The following KCNQ1 variants were observed in gnomAD, a reference collection of about 807,000 sequenced individuals.
KCNQ1 encodes the protein potassium voltage-gated channel subfamily KQT member 1.
KCNQ1 carries 49 observed loss-of-function variants against 72.4 expected under a neutral mutation model. That is an observed-to-expected ratio of 0.68 (90% CI 0.54 to 0.86). KCNQ1 has a LOEUF of 0.86. Ranked by LOEUF, KCNQ1 falls within the 40% of genes least tolerant of loss-of-function variation. The probability of loss-of-function intolerance (pLI) is 0.00; values close to 1 mark genes in which losing one functional copy is unlikely to be tolerated. For synonymous variants in KCNQ1, 450 were observed against 412.6 expected, an observed-to-expected ratio of 1.09 and a Z score of -1.10; for missense variants, 790 against 945.1, an observed-to-expected ratio of 0.84 and a Z score of 2.15.
rs185321387 is a variant in KCNQ1, at chr11:2,701,026, C to G, written c.1514+38945C>G. ...TGGAATGCAGGACTCTGGGTATGTT[C>G]TCGAAAGTTGTTACAACCCCAACCC... On this transcript the variant is annotated intron_variant, in intron 11 of 15. Transcript: ENST00000155840. 2.7e-3 allele frequency among the ~76,000 whole-genome samples: 409 copies of G among 152,300 alleles called. 3 individuals carry two copies. The highest frequency in any genetic ancestry group is 9.5e-3 in the African/African-American group (394 of 41,566).
intron 2 of KCNQ1, among the ~76,000 whole-genome samples, chr11:2,546,463 T>C (rs1431003943): frequency 6.6e-6 from 1 of 152,220 alleles, no homozygotes; most frequent in Non-Finnish European, 1.5e-5. Context: ...TGGTTGATGA[T>C]GGCATTGTCC....
At position 2,668,059 on chromosome 11, in the gene KCNQ1, C is replaced by T. The variant is rs1850115494; in HGVS notation, c.1514+5978C>T. Reference sequence around the variant, plus strand: ...GCTTTGCCCACATTTGAACTTTATGCGGTGGGAATGATGCAACTCATACAC... The same window carrying T: ...GCTTTGCCCACATTTGAACTTTATGTGGTGGGAATGATGCAACTCATACAC... On this transcript the variant is annotated intron_variant, in intron 11 of 15. Coordinates refer to ENST00000155840, the MANE Select transcript of KCNQ1 (RefSeq NM_000218.3). The surrounding 1 kb of genome is among the most constrained non-coding windows in gnomAD (Gnocchi z 4.3). 2.5e-5 allele frequency: 10 copies of T among 398,600 alleles called. No individual in the cohort carries two copies. The highest frequency in any genetic ancestry group is 8.8e-5 in the Admixed American group (2 of 22,730). The allele number at this position is 398,600 out of a possible 1,614,324, so 24.7% of individuals were successfully genotyped here.
In KCNQ1 at chr11:2,822,195, C is replaced by T. The variant is rs114743038; in HGVS notation, c.1795-25572C>T. On this transcript the variant is annotated intron_variant, in intron 15 of 15. Transcript: ENST00000155840. ...GAGGAATGAATCAGCCCTAGAGCCT[C>T]CAGCAGGTATCAGCCCTGCTGACAC... Among the ~76,000 whole-genome samples, 567 of 152,320 alleles carry T rather than the reference C, an allele frequency of 3.7e-3. 2 individuals carry two copies. The highest frequency in any genetic ancestry group is 0.013 in the African/African-American group (535 of 41,556).
In KCNQ1 at chr11:2,482,038, G is replaced by C. The variant is rs536732842; in HGVS notation, c.386+36554G>C. Among the ~76,000 whole-genome samples the C allele has an allele frequency of 6.6e-6, 1 of 152,138 alleles. No individual in the cohort carries two copies. Among genetic ancestry groups the C allele is most frequent in the South Asian group, 2.1e-4 (1 of 4,826 alleles). ...CACGGCCATCGGCTGTTTGCTTTAT[G>C]AATTTGTGCCTCAGTTTCTTCATCT... On this transcript the variant is annotated intron_variant, in intron 1 of 15. Coordinates refer to ENST00000155840, the MANE Select transcript of KCNQ1 (RefSeq NM_000218.3). This position sits in a 1 kb window ranked among gnomAD's most constrained non-coding sequence, Gnocchi z 5.7.
rs554817925 is a variant in KCNQ1 at position 2,803,261 on chromosome 11, G to A, written c.1794+25224G>A. On this transcript the variant is annotated intron_variant, in intron 15 of 15. Coordinates refer to ENST00000155840, the MANE Select transcript of KCNQ1 (RefSeq NM_000218.3). The surrounding 1 kb of genome is among the most constrained non-coding windows in gnomAD (Gnocchi z 6.4). ...GTCTGGAGCATCCTCCCAAGGACTC[G>A]CCCCTAGTCAGGAAAAAATAGGGCC... 9.2e-5 allele frequency among the ~76,000 whole-genome samples: 14 copies of A among 152,260 alleles called. No individual in the cohort carries two copies. Among genetic ancestry groups the A allele is most frequent in the African/African-American group, 2.6e-4 (11 of 41,558 alleles).
At chr11:2,686,038 G>C (rs146566065) in intron 11 of KCNQ1, 1 of 399,362 alleles carries the variant, frequency 2.5e-6, no homozygotes, top group Non-Finnish European at 4.4e-6. Flanking sequence ...CCGCCAGCTC[G>C]CACCATCTGA....
chr11:2,845,236 C>T (rs1848301167), intron 15 of KCNQ1, among the ~76,000 whole-genome samples: 3 of 152,190 alleles, frequency 2.0e-5, no homozygotes, highest in South Asian at 4.1e-4. Context: ...CTGCTTTCGC[C>T]GGCTCCCTAC....
Position 2,657,236 on chromosome 11 carries a change from T to C in KCNQ1, c.1394-4725T>C, listed in dbSNP as rs1260706630. 3 of 398,556 alleles carry C rather than the reference T, an allele frequency of 7.5e-6. No individual in the cohort carries two copies. The highest frequency in any genetic ancestry group is 8.8e-6 in the Non-Finnish European group (2 of 226,082). The allele number at this position is 398,556 out of a possible 1,614,324, so 24.7% of individuals were successfully genotyped here. A position where few individuals can be genotyped will look rare whatever the true frequency, so the allele number is the denominator to read the frequency against. ...CTTCCAAGTCGCAGTTAGAATCAGC[T>C]TGCCAAAGTTCTCACACAGAAGCCT... On this transcript the variant is annotated intron_variant, in intron 10 of 15. Coordinates refer to ENST00000155840, the MANE Select transcript of KCNQ1 (RefSeq NM_000218.3). This position sits in a 1 kb window ranked among gnomAD's most constrained non-coding sequence, Gnocchi z 4.8.
chr11:2,709,357 G>A lies in KCNQ1; in HGVS notation c.1514+47276G>A, dbSNP rs534832934. On this transcript the variant is annotated intron_variant, in intron 11 of 15. Coordinates refer to ENST00000155840, the MANE Select transcript of KCNQ1 (RefSeq NM_000218.3). ...CAGAGGCTCAGACGCCAGGACCTGC[G>A]GGGGCTTCCTGGAATTGGGAGCCAC... Among the ~76,000 whole-genome samples, 28 of 151,390 alleles carry A rather than the reference G, an allele frequency of 1.8e-4. No individual in the cohort carries two copies. The South Asian group carries it at 5.7e-3, about 31-fold the overall frequency.
intron 11 of KCNQ1, among the ~76,000 whole-genome samples, chr11:2,702,759 C>T (rs973424178): frequency 3.3e-5 from 5 of 152,146 alleles, no homozygotes; most frequent in Non-Finnish European, 7.3e-5. Flanking sequence ...GTGAGGTCTC[C>T]TTGAGTACTC....
At chr11:2,721,889 G>T (rs1402832280) in intron 11 of KCNQ1, among the ~76,000 whole-genome samples, 5 of 152,224 alleles carry the variant, frequency 3.3e-5, no homozygotes, top group Non-Finnish European at 7.3e-5. Flanking sequence ...CCAGTGCAGG[G>T]AGACCCCACC....
chr11:2,656,054 G>A (rs1849841336), intron 10 of KCNQ1: 1 of 398,518 alleles, frequency 2.5e-6, no homozygotes, highest in South Asian at 1.3e-4. Flanking sequence ...CTCACCCTTG[G>A]CCCTCAGGCT....
rs369938848 is a variant in KCNQ1, at chr11:2,567,398, C to T, written c.478-3230C>T. Among the ~76,000 whole-genome samples, 4 of 152,216 alleles carry T rather than the reference C, an allele frequency of 2.6e-5. No homozygotes were observed. The highest frequency in any genetic ancestry group is 4.4e-5 in the Non-Finnish European group (3 of 68,006). On this transcript the variant is annotated intron_variant, in intron 2 of 15. Coordinates refer to ENST00000155840, the MANE Select transcript of KCNQ1 (RefSeq NM_000218.3). The surrounding 1 kb of genome is among the most constrained non-coding windows in gnomAD (Gnocchi z 6.6). ...CTGCTTTAGACTGGGGATGTGGTCCCGTGAATCAGGGGTGGGCCATGGCAT... is the reference window on the plus strand; with the variant it reads ...CTGCTTTAGACTGGGGATGTGGTCCTGTGAATCAGGGGTGGGCCATGGCAT...
At chr11:2,780,857 C>T (rs555905222) in intron 15 of KCNQ1, among the ~76,000 whole-genome samples, 5 of 152,286 alleles carry the variant, frequency 3.3e-5, no homozygotes, top group South Asian at 4.1e-4. Flanking sequence ...CACAGTCCTG[C>T]GGGCTCGTCA....
In KCNQ1 at chr11:2,715,579, A is replaced by AC. The variant is rs1851079345; in HGVS notation, c.1515-53261dup. Among the ~76,000 whole-genome samples the AC allele has an allele frequency of 6.6e-6, 1 of 151,804 alleles. No individual in the cohort carries two copies. The highest frequency in any genetic ancestry group is 2.4e-5 in the African/African-American group (1 of 41,276). On this transcript the variant is annotated intron_variant, in intron 11 of 15. Coordinates refer to ENST00000155840, the MANE Select transcript of KCNQ1 (RefSeq NM_000218.3). The surrounding 1 kb of genome is among the most constrained non-coding windows in gnomAD (Gnocchi z 4.9). ...TGTGCCCAAGCCTTCCTCTTCCACCACCCCTGCTGGGGTCCCCTGGGACCC... is the reference window on the plus strand; with the variant it reads ...TGTGCCCAAGCCTTCCTCTTCCACCACCCCCTGCTGGGGTCCCCTGGGACCC...
In KCNQ1 at chr11:2,720,657, C is replaced by T. The variant is rs1011492368; in HGVS notation, c.1515-48187C>T. Reference sequence around the variant, plus strand: ...GGCTGAAGAGGGGAGCCTCCTTGGCCACTGAAACGGAAACAGCATTAGCCA... The same window carrying T: ...GGCTGAAGAGGGGAGCCTCCTTGGCTACTGAAACGGAAACAGCATTAGCCA... On this transcript the variant is annotated intron_variant, in intron 11 of 15. Coordinates refer to ENST00000155840, the MANE Select transcript of KCNQ1 (RefSeq NM_000218.3). This position sits in a 1 kb window ranked among gnomAD's most constrained non-coding sequence, Gnocchi z 5.1. Among the ~76,000 whole-genome samples the T allele has an allele frequency of 6.6e-6, 1 of 152,184 alleles. No individual in the cohort carries two copies. Among genetic ancestry groups the T allele is most frequent in the African/African-American group, 2.4e-5 (1 of 41,430 alleles).
intron 10 of KCNQ1, among the ~76,000 whole-genome samples, chr11:2,606,080 T>C (rs1250161060): frequency 6.6e-6 from 1 of 152,264 alleles, no homozygotes; most frequent in Non-Finnish European, 1.5e-5. Context: ...TTTAAGTATA[T>C]AGTTATGTGG....
At position 2,602,277 on chromosome 11, in the gene KCNQ1, A is replaced by AG. The variant is rs1191882483; in HGVS notation, c.1393+13424dup. Reference sequence around the variant, plus strand: ...CAGACTTCTGGCCTCTAGAACTGTGAGAAAAAAAAAAAAAGCGTGTCTTGT... The same window carrying AG: ...CAGACTTCTGGCCTCTAGAACTGTGAGGAAAAAAAAAAAAAGCGTGTCTTGT... On this transcript the variant is annotated intron_variant, in intron 10 of 15. Coordinates refer to ENST00000155840, the MANE Select transcript of KCNQ1 (RefSeq NM_000218.3). The surrounding 1 kb of genome is among the most constrained non-coding windows in gnomAD (Gnocchi z 4.8). Among the ~76,000 whole-genome samples the AG allele has an allele frequency of 6.6e-6, 1 of 151,508 alleles. No individual in the cohort carries two copies. The highest frequency in any genetic ancestry group is 1.5e-5 in the Non-Finnish European group (1 of 67,972).
intron 11 of KCNQ1, chr11:2,684,425 C>A (rs570493377): frequency 5.0e-6 from 2 of 398,684 alleles, no homozygotes; most frequent in South Asian, 2.5e-4. Flanking sequence ...CCAGCACCAC[C>A]TCTTTCATTT....
Sources: gnomAD v4.1 joint callset for allele counts (sites outside exome capture counted in the v4.1 genomes callset) on GRCh38, gnomAD v4.1.1 for gene constraint, Gnocchi (gnomAD v3.1) non-coding constraint, MANE v1.5 for transcripts, NCBI Gene and HGNC (gene_info 2026-07-23, HGNC 2026-07-21) for gene names.